DIP2C: variants seen among roughly 807,000 people sequenced by gnomAD.
The protein encoded by DIP2C is disco-interacting protein 2 homolog C.
DIP2C carries 33 observed loss-of-function variants against 192.4 expected under a neutral mutation model. The observed-to-expected ratio is 0.17, with a 90% CI of 0.13 to 0.23. The LOEUF (loss-of-function observed/expected upper bound fraction) is 0.23, where lower values mean the gene tolerates loss of function less well. DIP2C is among the 10% of genes least tolerant of loss of function. The pLI is 1.00. For missense variants in DIP2C, 1,537 were observed against 2,110.1 expected (o/e 0.73, Z 5.32); for synonymous variants, 979 against 864.1 (o/e 1.13, Z -2.33).
At chr10:571,028 C>G (rs530061999) in intron 1 of DIP2C, among the ~76,000 whole-genome samples, 1 of 152,224 alleles carries the variant, frequency 6.6e-6, no homozygotes, top group African/African-American at 2.4e-5. Context: ...GCGGCTTCCA[C>G]GCTGGACCGG....
chr10:645,023 C>A (rs1472911710), intron 1 of DIP2C, among the ~76,000 whole-genome samples: 3 of 152,174 alleles, frequency 2.0e-5, no homozygotes, highest in Admixed American at 2.0e-4. Flanking sequence ...ATGTTCCCGA[C>A]AAGACAAGAA....
At position 275,609 on chromosome 10, in the gene DIP2C, A is replaced by G. The variant is rs986410644; in HGVS notation, c.*1716T>C. ...GCTGCCCACAACATAATGAAAGATC[A>G]TCTACATTTTGCCCAGCATCAATCT... On this transcript the variant is annotated 3_prime_UTR_variant, in exon 37 of 37. Coordinates refer to ENST00000280886, the MANE Select transcript of DIP2C (RefSeq NM_014974.3). The G allele has an allele frequency of 2.6e-5, 4 of 152,100 alleles. No homozygotes were observed. The highest frequency in any genetic ancestry group is 4.8e-5 in the African/African-American group (2 of 41,412). The allele number at this position is 152,100 out of a possible 1,614,324, so 9.4% of individuals were successfully genotyped here.
chr10:680,847 G>C (rs1232117282), intron 1 of DIP2C, among the ~76,000 whole-genome samples: 1 of 152,220 alleles, frequency 6.6e-6, no homozygotes, highest in African/African-American at 2.4e-5. Context: ...TGAGACAGAG[G>C]ACCTGACACA....
At chr10:417,975 C>T (rs200691583) in intron 6 of DIP2C, among the ~76,000 whole-genome samples, 734 of 62,370 alleles carry the variant, frequency 0.012, 79 homozygotes, top group African/African-American at 0.023. Context: ...TGTCAGGGCT[C>T]GGATAGGCCT....
intron 3 of DIP2C, among the ~76,000 whole-genome samples, chr10:463,131 T>C (rs1969928170): frequency 6.6e-6 from 1 of 151,064 alleles, no homozygotes. Context: ...TCTCTCAACA[T>C]AGTATTGGAA....
intron 2 of DIP2C, 123 bp from the exon 3 acceptor site, chr10:472,672 C>A: frequency 1.2e-6 from 1 of 840,414 alleles, no homozygotes; most frequent in Non-Finnish European, 1.9e-6. Context: ...CTGGGCATGG[C>A]GGCGCCTCAG....
At chr10:349,754 TAAA>T (rs1323511546) in intron 24 of DIP2C, among the ~76,000 whole-genome samples, 1 of 152,188 alleles carries the variant, frequency 6.6e-6, no homozygotes, top group African/African-American at 2.4e-5. Flanking sequence ...TTACGTGAAT[TAAA>T]AAACGGTAGA....
intron 29 of DIP2C, among the ~76,000 whole-genome samples, chr10:336,921 T>TGTGTGTGC (rs59758615): frequency 2.0e-5 from 1 of 50,014 alleles, no homozygotes; most frequent in African/African-American, 5.0e-5. Flanking sequence ...TGTGTGTGTG[T>TGTGTGTGC]TGTGGAGGCC....
In DIP2C at chr10:277,191, C is replaced by A; in HGVS notation, c.*134G>T. The A allele has an allele frequency of 3.7e-6, 5 of 1,355,672 alleles. No individual in the cohort carries two copies. Among genetic ancestry groups the A allele is most frequent in the Admixed American group, 2.2e-5 (1 of 45,782 alleles). The allele number at this position is 1,355,672 out of a possible 1,614,324, so 84.0% of individuals were successfully genotyped here. A position where few individuals can be genotyped will look rare whatever the true frequency, so the allele number is the denominator to read the frequency against. ...GGCTGCTGTGAGAAGTCCTCTTCCT[C>A]CTCCTCTTCCTCCTCCACTCTCACC... On this transcript the variant is annotated 3_prime_UTR_variant, in exon 37 of 37. Coordinates refer to ENST00000280886, the MANE Select transcript of DIP2C (RefSeq NM_014974.3).
intron 3 of DIP2C, among the ~76,000 whole-genome samples, chr10:450,981 C>T (rs1278758345): frequency 6.6e-6 from 1 of 152,168 alleles, no homozygotes; most frequent in Non-Finnish European, 1.5e-5. Flanking sequence ...AATATACTGT[C>T]TATGCCTCAA....
chr10:433,100 T>C (rs1431391667), intron 4 of DIP2C, among the ~76,000 whole-genome samples: 1 of 152,202 alleles, frequency 6.6e-6, no homozygotes, highest in African/African-American at 2.4e-5. Context: ...AAATGTCAAT[T>C]ATATACAGTT....
chr10:662,806 G>C, intron 1 of DIP2C: 1 of 715,042 alleles, frequency 1.4e-6, no homozygotes, highest in Non-Finnish European at 2.6e-6. Context: ...CCAAAACTGT[G>C]GCAGGCCTGC....
intron 31 of DIP2C, among the ~76,000 whole-genome samples, chr10:319,618 A>G (rs1043254839): frequency 6.6e-6 from 1 of 152,220 alleles, no homozygotes; most frequent in Non-Finnish European, 1.5e-5. Flanking sequence ...ATAATAAGTG[A>G]CACCTTCTAA....
At chr10:509,291 G>C (rs967927590) in intron 1 of DIP2C, among the ~76,000 whole-genome samples, 1 of 152,198 alleles carries the variant, frequency 6.6e-6, no homozygotes, top group Non-Finnish European at 1.5e-5. Context: ...GATATCTTCA[G>C]ACTTCTGCAG....
intron 1 of DIP2C, among the ~76,000 whole-genome samples, chr10:646,224 C>A (rs1227856322): frequency 6.6e-6 from 1 of 152,150 alleles, no homozygotes; most frequent in Non-Finnish European, 1.5e-5. Flanking sequence ...CTATAAAAAC[C>A]CCAAGGGCTG....
At chr10:387,603 G>A in intron 14 of DIP2C, 142 bp downstream of exon 14, 1 of 723,952 alleles carries the variant, frequency 1.4e-6, no homozygotes, top group Non-Finnish European at 2.5e-6. Context: ...GGGTGGGAGG[G>A]AGACTCCTGT....
intron 19 of DIP2C, 106 bp from the exon 20 acceptor site, chr10:364,688 T>C: frequency 7.8e-7 from 1 of 1,279,822 alleles, no homozygotes. Flanking sequence ...AGCTCTGCCT[T>C]TCACCCCAGC....
At position 649,498 on chromosome 10, in the gene DIP2C, T is replaced by C. The variant is rs145971801; in HGVS notation, c.85+39996A>G. On this transcript the variant is annotated intron_variant, in intron 1 of 36. Transcript: ENST00000280886. ...GGTAGTAAGAAAGCAATTTTTCTTATTGGAAAGGAGAAAACTAAGTGACTG... is the reference window on the plus strand; with the variant it reads ...GGTAGTAAGAAAGCAATTTTTCTTACTGGAAAGGAGAAAACTAAGTGACTG... Among the ~76,000 whole-genome samples the C allele has an allele frequency of 3.0e-3, 450 of 152,368 alleles. 1 individual carries two copies. Among genetic ancestry groups the C allele is most frequent in the African/African-American group, 0.01 (429 of 41,584 alleles).
At chr10:452,187 CAA>C (rs1355730407) in intron 3 of DIP2C, among the ~76,000 whole-genome samples, 1 of 152,108 alleles carries the variant, frequency 6.6e-6, no homozygotes, top group Non-Finnish European at 1.5e-5. Context: ...AAAACAATTG[CAA>C]AAAGATGTCT....
Sources: allele counts gnomAD v4.1 joint callset (sites outside exome capture counted in the v4.1 genomes callset), GRCh38; gene constraint gnomAD v4.1.1; transcripts MANE v1.5; gene names NCBI Gene and HGNC (gene_info 2026-07-23, HGNC 2026-07-21).